The following COL28A1 variants were observed in gnomAD, a reference collection of about 807,000 sequenced individuals.
COL28A1 encodes the protein collagen alpha-1(XXVIII) chain.
COL28A1 carries 161 observed loss-of-function variants against 150.2 expected under a neutral mutation model. The ratio of observed to expected loss-of-function variants is 1.07; its 90% CI spans 0.94 to 1.22. The LOEUF (loss-of-function observed/expected upper bound fraction) is 1.22, where lower values mean the gene tolerates loss of function less well. Among genes scored for constraint, COL28A1 ranks in the 50% most tolerant of loss-of-function variants. The pLI is 0.00. For synonymous variants in COL28A1, 552 were observed against 469.7 expected (o/e 1.18, Z -2.26); for missense variants, 1,617 against 1,388.3 (o/e 1.16, Z -2.62).
chr7:7,361,666 C>T (rs1056007040), intron 33 of COL28A1, among the ~76,000 whole-genome samples: 6 of 152,134 alleles, frequency 3.9e-5, no homozygotes, highest in African/African-American at 9.7e-5. Context: ...TCATATCCTT[C>T]GCCCATTTTT....
chr7:7,383,678 G>GTATA (rs1219927118), intron 27 of COL28A1, among the ~76,000 whole-genome samples: 18 of 57,092 alleles, frequency 3.2e-4, no homozygotes, highest in East Asian at 1.0e-3. Flanking sequence ...GTGTGTGTGT[G>GTATA]TGTGTATATA....
At chr7:7,448,693 G>GA (rs1220986739) in intron 18 of COL28A1, among the ~76,000 whole-genome samples, 2 of 150,322 alleles carry the variant, frequency 1.3e-5, no homozygotes, top group African/African-American at 2.4e-5. Flanking sequence ...TCCAAATCTG[G>GA]AAAAAAACAA....
At chr7:7,435,502 C>G (rs1785277227) in intron 23 of COL28A1, among the ~76,000 whole-genome samples, 1 of 152,126 alleles carries the variant, frequency 6.6e-6, no homozygotes, top group African/African-American at 2.4e-5. Flanking sequence ...CCCTTCAATC[C>G]CGGGCAAACT....
chr7:7,539,564 A>G (rs1310608152), upstream of COL28A1, among the ~76,000 whole-genome samples: 2 of 152,154 alleles, frequency 1.3e-5, no homozygotes, highest in Admixed American at 1.3e-4. Context: ...CAAACACCAA[A>G]ACTGTATTGG....
chr7:7,446,402 T>C (rs1786262180), intron 18 of COL28A1, among the ~76,000 whole-genome samples: 1 of 152,064 alleles, frequency 6.6e-6, no homozygotes, highest in African/African-American at 2.4e-5. Context: ...TAAAAAGAAA[T>C]GAACAAGCTA....
intron 27 of COL28A1, among the ~76,000 whole-genome samples, chr7:7,386,334 T>C (rs1163695642): frequency 6.6e-6 from 1 of 152,218 alleles, no homozygotes; most frequent in Admixed American, 6.5e-5. Flanking sequence ...AAAATGGACA[T>C]CTGGCTTCTG....
Position 7,358,164 on chromosome 7 carries a change from T to C in COL28A1, c.*469A>G, listed in dbSNP as rs1562452818. 6.6e-6 allele frequency: 1 copy of C among 152,504 alleles called. No homozygotes were observed. Among genetic ancestry groups the C allele is most frequent in the Non-Finnish European group, 1.5e-5 (1 of 68,292 alleles). The allele number at this position is 152,504 out of a possible 1,614,324, so 9.4% of individuals were successfully genotyped here. A position where few individuals can be genotyped will look rare whatever the true frequency, so the allele number is the denominator to read the frequency against. ...CTCCTGCGTAAACATTTACATCATT[T>C]CTAATTCTCACACCGAAGTCCTTCC... On this transcript the variant is annotated 3_prime_UTR_variant, in exon 35 of 35. Transcript: ENST00000399429.
At chr7:7,342,953 C>T in the COL28A1 span, among the ~76,000 whole-genome samples, 1 of 151,872 alleles carries the variant, frequency 6.6e-6, no homozygotes, top group African/African-American at 2.4e-5. Context: ...TCTTTTTCAT[C>T]AGTAAATGCC....
chr7:7,409,695 A>G (rs752885662), intron 27 of COL28A1, among the ~76,000 whole-genome samples: 3 of 152,174 alleles, frequency 2.0e-5, no homozygotes, highest in South Asian at 4.1e-4. Flanking sequence ...TTCTTTTGGA[A>G]TTTGGAAACT....
At chr7:7,410,693 A>G (rs1783739529) in intron 27 of COL28A1, among the ~76,000 whole-genome samples, 1 of 151,960 alleles carries the variant, frequency 6.6e-6, no homozygotes. Flanking sequence ...AGGAGAAAAA[A>G]ACCTTTAAGT....
chr7:7,521,796 CA>C lies in COL28A1; in HGVS notation c.759+108del, dbSNP rs1781739342. 3 of 728,498 alleles carry C rather than the reference CA, an allele frequency of 4.1e-6. No individual in the cohort carries two copies. In the East Asian group the frequency reaches 7.5e-5, roughly 18 times the overall value. 45.1% of individuals were successfully genotyped at this position (728,498 alleles called of 1,614,324 possible). A position where few individuals can be genotyped will look rare whatever the true frequency, so the allele number is the denominator to read the frequency against. ...GCATTTCCATTTTTCCTCCCATTTC[CA>C]AACAATTGCTTTTCAGCAGTGCAAA... On this transcript the variant is annotated intron_variant, in intron 5 of 34. Transcript: ENST00000399429.
chr7:7,369,322 A>G (rs576471520), intron 33 of COL28A1, among the ~76,000 whole-genome samples: 1 of 152,338 alleles, frequency 6.6e-6, no homozygotes, highest in Non-Finnish European at 1.5e-5. Context: ...GCCAAATCTG[A>G]GTCACTATCT....
chr7:7,389,210 C>G (rs1288278333), intron 27 of COL28A1, among the ~76,000 whole-genome samples: 1 of 152,128 alleles, frequency 6.6e-6, no homozygotes, highest in African/African-American at 2.4e-5. Flanking sequence ...TCATTTTCTG[C>G]ATATGACTAG....
intron 33 of COL28A1, among the ~76,000 whole-genome samples, chr7:7,360,987 C>A (rs1243036578): frequency 6.6e-6 from 1 of 152,142 alleles, no homozygotes; most frequent in African/African-American, 2.4e-5. Context: ...AAAATATTTA[C>A]CATGAACTCA....
chr7:7,502,347 T>A (rs1168046617), intron 11 of COL28A1, among the ~76,000 whole-genome samples: 1 of 152,244 alleles, frequency 6.6e-6, no homozygotes, highest in Non-Finnish European at 1.5e-5. Flanking sequence ...CTACTTTACA[T>A]GTGGAAAGTA....
chr7:7,429,917 C>T (rs1784866107), intron 25 of COL28A1, among the ~76,000 whole-genome samples: 1 of 152,114 alleles, frequency 6.6e-6, no homozygotes. Flanking sequence ...TAAGATACAT[C>T]TTCTGGCAGC....
downstream of COL28A1, among the ~76,000 whole-genome samples, chr7:7,352,388 C>T (rs1325628289): frequency 6.6e-6 from 1 of 152,112 alleles, no homozygotes; most frequent in East Asian, 1.9e-4. Flanking sequence ...ATATATGCTA[C>T]CTTACATGGC....
intron 33 of COL28A1, among the ~76,000 whole-genome samples, chr7:7,369,363 T>C (rs1037878687): frequency 5.3e-5 from 8 of 152,234 alleles, no homozygotes; most frequent in African/African-American, 1.7e-4. Flanking sequence ...TCAGAACTTA[T>C]TCATACTCAT....
chr7:7,508,466 G>A (rs1019042004), intron 9 of COL28A1, among the ~76,000 whole-genome samples: 18 of 152,096 alleles, frequency 1.2e-4, no homozygotes, highest in African/African-American at 3.4e-4. Context: ...AAGGTTCACC[G>A]GCTGTCCTTT....
Sources: gnomAD v4.1 joint callset for allele counts (sites outside exome capture counted in the v4.1 genomes callset) on GRCh38, gnomAD v4.1.1 for gene constraint, MANE v1.5 for transcripts, NCBI Gene and HGNC (gene_info 2026-07-23, HGNC 2026-07-21) for gene names.